Variants in RASAL2 observed in about 807,000 individuals in gnomAD.
RASAL2 encodes ras GTPase-activating protein nGAP.
In RASAL2, 58 loss-of-function variants were observed where a neutral mutation model predicts 128.9. That is an observed-to-expected ratio of 0.45 (90% CI 0.36 to 0.56). The LOEUF is 0.56. RASAL2 is among the 20% of genes least tolerant of loss of function. The pLI is 0.00. For missense variants in RASAL2, 1,360 were observed against 1,601.6 expected (o/e 0.85, Z 2.57); for synonymous variants, 561 against 580.8 (o/e 0.97, Z 0.49).
At chr1:178,323,639 TATC>T (rs1295906674) in intron 3 of RASAL2, among the ~76,000 whole-genome samples, 9 of 152,220 alleles carry the variant, frequency 5.9e-5, no homozygotes, top group African/African-American at 2.2e-4. Context: ...TGTTGGTTAA[TATC>T]ATAACCATAG....
At chr1:178,459,560 T>A (rs1446385583) in intron 14 of RASAL2, among the ~76,000 whole-genome samples, 1 of 152,188 alleles carries the variant, frequency 6.6e-6, no homozygotes, top group Non-Finnish European at 1.5e-5. Context: ...ATCTGTTATA[T>A]ATTTGCATTT....
chr1:178,239,132 A>G (rs1664385338), intron 1 of RASAL2, among the ~76,000 whole-genome samples: 1 of 152,220 alleles, frequency 6.6e-6, no homozygotes, highest in African/African-American at 2.4e-5. Context: ...TAGAAACCCT[A>G]TTCTATCTAT....
chr1:178,441,139 G>T (rs1676619754), intron 6 of RASAL2, among the ~76,000 whole-genome samples: 1 of 143,072 alleles, frequency 7.0e-6, no homozygotes, highest in Non-Finnish European at 1.6e-5. Context: ...TGTAGATGTA[G>T]ATATAAGTAT....
chr1:178,435,184 A>G (rs1471591593), intron 5 of RASAL2, among the ~76,000 whole-genome samples: 1 of 152,074 alleles, frequency 6.6e-6, no homozygotes, highest in East Asian at 1.9e-4. Context: ...TTATGTGGCA[A>G]TAAGCATTTT....
chr1:178,125,693 T>G (rs978642433), intron 1 of RASAL2, among the ~76,000 whole-genome samples: 1 of 152,190 alleles, frequency 6.6e-6, no homozygotes. Flanking sequence ...GTCAAACAGA[T>G]GCAGAACGAA....
intron 5 of RASAL2, among the ~76,000 whole-genome samples, chr1:178,432,946 A>G (rs895502655): frequency 3.9e-5 from 6 of 152,018 alleles, no homozygotes; most frequent in African/African-American, 1.2e-4. Context: ...ACATCTTACC[A>G]TGTAATTCCC....
chr1:178,436,773 T>A (rs774056433), intron 5 of RASAL2, among the ~76,000 whole-genome samples: 70 of 152,120 alleles, frequency 4.6e-4, no homozygotes, highest in Admixed American at 9.2e-4. Flanking sequence ...AGTTGGAGTT[T>A]TACCATGTTG....
chr1:178,145,871 T>G lies in RASAL2; in HGVS notation c.202+51177T>G, dbSNP rs1028304276. Among the ~76,000 whole-genome samples, 4 of 152,232 alleles carry G rather than the reference T, an allele frequency of 2.6e-5. No individual in the cohort carries two copies. The East Asian group carries it at 7.7e-4, about 29-fold the overall frequency. On this transcript the variant is annotated intron_variant, in intron 1 of 17. Coordinates refer to ENST00000367649, the MANE Select transcript of RASAL2 (RefSeq NM_170692.4). ...ACCTATAAGTGACTTTCCCAGAAAG[T>G]CCCACACATTTGCACCCATTAGCCA...
intron 1 of RASAL2, among the ~76,000 whole-genome samples, chr1:178,214,314 T>C (rs1473939656): frequency 6.6e-6 from 1 of 152,058 alleles, no homozygotes; most frequent in Non-Finnish European, 1.5e-5. Context: ...AATAAATAAA[T>C]AATTTCAGGA....
chr1:178,140,437 T>A (rs1660485118), intron 1 of RASAL2, among the ~76,000 whole-genome samples: 1 of 152,224 alleles, frequency 6.6e-6, no homozygotes, highest in Non-Finnish European at 1.5e-5. Flanking sequence ...TTATATAGGA[T>A]AGCTTACTGC....
At chr1:178,181,512 C>T (rs189814264) in intron 1 of RASAL2, among the ~76,000 whole-genome samples, 17 of 152,202 alleles carry the variant, frequency 1.1e-4, no homozygotes, top group South Asian at 4.2e-4. Context: ...CACCTGCCAC[C>T]GTGCCCGGCT....
chr1:178,301,788 TA>T (rs1667779073), intron 3 of RASAL2, among the ~76,000 whole-genome samples: 1 of 152,146 alleles, frequency 6.6e-6, no homozygotes, highest in Admixed American at 6.6e-5. Context: ...TTTTGACCCA[TA>T]AAAGTCAATA....
Position 178,442,814 on chromosome 1 carries a change from A to G in RASAL2, c.1067A>G (p.Asp356Gly), listed in dbSNP as rs1191462534. The G allele has an allele frequency of 6.2e-7, 1 of 1,614,020 alleles. No homozygotes were observed. Among genetic ancestry groups the G allele is most frequent in the Non-Finnish European group, 8.5e-7 (1 of 1,179,966 alleles). Residue 356 changes from aspartate to glycine, a missense_variant, in exon 8 of 18, where the codon GAC (aspartate) becomes GGC (glycine). By Grantham distance (94) the Asp-to-Gly change is moderately conservative. Around this residue, in one of 3 missense-constraint regions of RASAL2, gnomAD observed 617 missense variants for 714.2 expected, o/e 0.86. Transcript: ENST00000367649. ...CGTACAACCAGCAAGACCAAAGCAG[A>G]CAATATTTTCTGGGGCGAACATTTT... is the stretch of plus-strand genomic sequence containing the variant. ...FARTTSKTKA[D>G]NIFWGEHFEF...
intron 4 of RASAL2, among the ~76,000 whole-genome samples, chr1:178,396,083 T>G (rs777280543): frequency 7.9e-5 from 12 of 151,900 alleles, no homozygotes; most frequent in Non-Finnish European, 1.6e-4. Flanking sequence ...GGGTGAGAAC[T>G]GGCAAATACC....
chr1:178,371,104 C>G (rs753501279), intron 3 of RASAL2, among the ~76,000 whole-genome samples: 1 of 151,416 alleles, frequency 6.6e-6, no homozygotes, highest in Non-Finnish European at 1.5e-5. Context: ...TGTGAACATA[C>G]CTCTTCTGCT....
chr1:178,155,462 C>CAAA (rs766695092), intron 1 of RASAL2, among the ~76,000 whole-genome samples: 1 of 96,384 alleles, frequency 1.0e-5, no homozygotes, highest in South Asian at 3.2e-4. Flanking sequence ...TATAAACCAG[C>CAAA]AAAAAAAAAA....
At chr1:178,201,693 A>G (rs1662878694) in intron 1 of RASAL2, among the ~76,000 whole-genome samples, 1 of 152,258 alleles carries the variant, frequency 6.6e-6, no homozygotes, top group South Asian at 2.1e-4. Flanking sequence ...AGCAGCAATC[A>G]GAATAGTTTG....
At chr1:178,187,664 G>A (rs748364325) in intron 1 of RASAL2, among the ~76,000 whole-genome samples, 14 of 152,124 alleles carry the variant, frequency 9.2e-5, no homozygotes, top group Non-Finnish European at 1.8e-4. Flanking sequence ...GATTTTTGTT[G>A]TCTTTCTTTA....
chr1:178,384,681 C>CAT (rs1326471457), intron 3 of RASAL2, among the ~76,000 whole-genome samples: 5 of 149,262 alleles, frequency 3.3e-5, no homozygotes, highest in African/African-American at 1.2e-4. Context: ...AAAAAACACA[C>CAT]ACACACACAC....
Sources: allele counts gnomAD v4.1 joint callset (sites outside exome capture counted in the v4.1 genomes callset), GRCh38; gene constraint gnomAD v4.1.1; regional missense constraint gnomAD v4.1.1; transcripts MANE v1.5; gene names NCBI Gene and HGNC (gene_info 2026-07-23, HGNC 2026-07-21).